Variants in STXBP5L observed in about 807,000 individuals in gnomAD.
STXBP5L encodes syntaxin-binding protein 5-like.
Under a neutral mutation model 144.5 loss-of-function variants are expected in STXBP5L, and 65 were observed. The observed-to-expected ratio is 0.45, with a 90% confidence interval of 0.37 to 0.55. The LOEUF is 0.55. Ranked by LOEUF, STXBP5L falls within the 20% of genes least tolerant of loss-of-function variation. The probability of loss-of-function intolerance (pLI) is 0.00; values close to 1 mark genes in which losing one functional copy is unlikely to be tolerated. For synonymous variants in STXBP5L, 505 were observed against 469.6 expected, an observed-to-expected ratio of 1.08 and a Z score of -0.97; for missense variants, 1,298 against 1,405.5, an observed-to-expected ratio of 0.92 and a Z score of 1.22.
intron 3 of STXBP5L, among the ~76,000 whole-genome samples, chr3:121,034,126 TTTTC>T (rs1182138532): frequency 2.0e-5 from 3 of 152,038 alleles, no homozygotes; most frequent in African/African-American, 4.8e-5. Flanking sequence ...AAAACCATTG[TTTTC>T]TTTATTTTTT....
chr3:121,266,860 A>C (rs1157749381), intron 18 of STXBP5L, among the ~76,000 whole-genome samples: 2 of 152,138 alleles, frequency 1.3e-5, no homozygotes, highest in African/African-American at 4.8e-5. Flanking sequence ...ACTCTCATTC[A>C]CAGTTGCTAC....
intron 20 of STXBP5L, among the ~76,000 whole-genome samples, chr3:121,342,397 G>C (rs920291555): frequency 1.3e-5 from 2 of 151,862 alleles, no homozygotes; most frequent in African/African-American, 2.4e-5. Context: ...TGCACAATGT[G>C]CAGGTTAGTT....
intron 2 of STXBP5L, among the ~76,000 whole-genome samples, chr3:120,924,007 T>C (rs1709485738): frequency 6.6e-6 from 1 of 152,166 alleles, no homozygotes; most frequent in African/African-American, 2.4e-5. Flanking sequence ...AATTACATTA[T>C]ACATTTATGT....
At chr3:121,050,103 T>G (rs1053384640) in intron 5 of STXBP5L, among the ~76,000 whole-genome samples, 1 of 152,164 alleles carries the variant, frequency 6.6e-6, no homozygotes, top group Non-Finnish European at 1.5e-5. Flanking sequence ...GTGATGCTGT[T>G]TCCCTGATAA....
At chr3:120,978,530 C>A (rs374214221) in intron 3 of STXBP5L, among the ~76,000 whole-genome samples, 4 of 152,258 alleles carry the variant, frequency 2.6e-5, no homozygotes, top group East Asian at 1.9e-4. Flanking sequence ...CGTCTGAAGC[C>A]TTCTTCTCTC....
chr3:120,955,019 G>T lies in STXBP5L; in HGVS notation c.269G>T (p.Arg90Ile). 6.2e-7 allele frequency: 1 copy of T among 1,612,332 alleles called. No homozygotes were observed. Among genetic ancestry groups the T allele is most frequent in the Non-Finnish European group, 8.5e-7 (1 of 1,178,944 alleles). Residue 90 changes from arginine (R) to isoleucine (I), a missense_variant, in exon 3 of 27, where the codon AGA becomes ATA. Coordinates refer to ENST00000471454, the MANE Select transcript of STXBP5L (RefSeq NM_001308330.2). ...PVQKILAIGT[R>I]TGAIRILGRP... ...CAGAAAATCTTGGCTATTGGGACGA[G>T]AACAGGTGCTATACGAATGTATCCT... is the stretch of plus-strand genomic sequence containing the variant.
chr3:121,055,935 C>G (rs541271304), intron 5 of STXBP5L, among the ~76,000 whole-genome samples: 1 of 151,674 alleles, frequency 6.6e-6, no homozygotes, highest in South Asian at 2.1e-4. Context: ...TCAAGCAATC[C>G]TCCCACCTTA....
At chr3:121,034,944 T>C (rs1946652288) in intron 3 of STXBP5L, among the ~76,000 whole-genome samples, 1 of 152,186 alleles carries the variant, frequency 6.6e-6, no homozygotes, top group Admixed American at 6.6e-5. Context: ...ATTGTGGTTT[T>C]AATTTGTATT....
chr3:121,378,983 T>A, intron 21 of STXBP5L, 97 bp downstream of exon 21: 1 of 1,313,500 alleles, frequency 7.6e-7, no homozygotes, highest in South Asian at 1.5e-5. Flanking sequence ...ATATGAAAGA[T>A]GTTAAAAAAC....
chr3:121,285,424 A>G (rs991029772), intron 19 of STXBP5L, among the ~76,000 whole-genome samples: 2 of 152,048 alleles, frequency 1.3e-5, no homozygotes, highest in African/African-American at 4.8e-5. Flanking sequence ...AACATTGGAA[A>G]CCAAGTCCGT....
intron 20 of STXBP5L, among the ~76,000 whole-genome samples, chr3:121,350,130 A>T (rs2045209441): frequency 6.6e-6 from 1 of 152,048 alleles, no homozygotes; most frequent in South Asian, 2.1e-4. Context: ...TGCTTCCTTC[A>T]GGAGCTCTTT....
At chr3:121,010,292 C>T (rs538498405) in intron 3 of STXBP5L, among the ~76,000 whole-genome samples, 2 of 151,910 alleles carry the variant, frequency 1.3e-5, no homozygotes, top group Non-Finnish European at 2.9e-5. Flanking sequence ...TGTTGTGGCA[C>T]TGCAGCATCT....
chr3:121,381,258 C>A, intron 21 of STXBP5L, 35 bp from the exon 22 acceptor site: 2 of 1,494,006 alleles, frequency 1.3e-6, no homozygotes, highest in South Asian at 1.3e-5. Context: ...AATATACTAA[C>A]AATTTGTGTG....
chr3:121,003,929 A>G (rs1184467219), intron 3 of STXBP5L, among the ~76,000 whole-genome samples: 2 of 152,220 alleles, frequency 1.3e-5, no homozygotes. Context: ...TGGTACCAGT[A>G]CCACGCTGTT....
chr3:121,162,405 A>G (rs1322200583), intron 9 of STXBP5L, among the ~76,000 whole-genome samples: 1 of 152,180 alleles, frequency 6.6e-6, no homozygotes, highest in Non-Finnish European at 1.5e-5. Flanking sequence ...CTTATACCTT[A>G]TATAAAAATC....
At chr3:120,977,226 C>T (rs1483008661) in intron 3 of STXBP5L, among the ~76,000 whole-genome samples, 2 of 152,170 alleles carry the variant, frequency 1.3e-5, no homozygotes, top group South Asian at 2.1e-4. Flanking sequence ...AATCTGGGTG[C>T]TCCTGTATTG....
At chr3:121,221,596 G>A (rs2048975724) in intron 10 of STXBP5L, among the ~76,000 whole-genome samples, 1 of 151,166 alleles carries the variant, frequency 6.6e-6, no homozygotes, top group South Asian at 2.1e-4. Flanking sequence ...AACTATATTA[G>A]AAATGCTTTT....
chr3:120,976,167 C>T (rs963015964), intron 3 of STXBP5L, among the ~76,000 whole-genome samples: 1 of 152,208 alleles, frequency 6.6e-6, no homozygotes, highest in Non-Finnish European at 1.5e-5. Flanking sequence ...GTGAATCCAT[C>T]TGGTCCTGGA....
intron 7 of STXBP5L, among the ~76,000 whole-genome samples, chr3:121,139,481 G>A (rs888664182): frequency 2.2e-4 from 33 of 152,076 alleles, no homozygotes; most frequent in Non-Finnish European, 4.6e-4. Flanking sequence ...ACCCAAGATC[G>A]TGTTGCTTGT....
Sources: gnomAD v4.1 joint callset for allele counts (sites outside exome capture counted in the v4.1 genomes callset) on GRCh38, gnomAD v4.1.1 for gene constraint, MANE v1.5 for transcripts, NCBI Gene and HGNC (gene_info 2026-07-23, HGNC 2026-07-21) for gene names.